The following DOCK8 variants were observed in gnomAD, a reference collection of about 807,000 sequenced individuals.
DOCK8 encodes dedicator of cytokinesis protein 8.
Under a neutral mutation model 245.6 loss-of-function variants are expected in DOCK8, and 141 were observed. The ratio of observed to expected loss-of-function variants is 0.57; its 90% CI spans 0.50 to 0.66. The LOEUF (loss-of-function observed/expected upper bound fraction) is 0.66, where lower values mean the gene tolerates loss of function less well. DOCK8 is among the 30% of genes least tolerant of loss of function. The pLI, the probability that DOCK8 is intolerant of heterozygous loss-of-function variation, is 0.00. For synonymous variants in DOCK8, 1,168 were observed against 970.2 expected (o/e 1.20, Z -3.79); for missense variants, 2,965 against 2,603.4 (o/e 1.14, Z -3.02).
At chr9:222,931 A>G (rs573780458) in intron 1 of DOCK8, among the ~76,000 whole-genome samples, 7 of 152,214 alleles carry the variant, frequency 4.6e-5, no homozygotes, top group Non-Finnish European at 8.8e-5. Flanking sequence ...AGCAAATGGA[A>G]AATCAGAATC....
At chr9:392,081 T>A (rs1241533262) in intron 24 of DOCK8, among the ~76,000 whole-genome samples, 1 of 148,128 alleles carries the variant, frequency 6.8e-6, no homozygotes, top group Admixed American at 6.8e-5. Context: ...GAGGCAGCAG[T>A]GAGCTGAGAT....
intron 26 of DOCK8, among the ~76,000 whole-genome samples, chr9:400,346 C>T (rs377669039): frequency 6.5e-4 from 51 of 78,320 alleles, no homozygotes; most frequent in Admixed American, 8.3e-4. Flanking sequence ...TCCTCCACCA[C>T]CACCACCTCC....
chr9:340,313 T>A lies in DOCK8; in HGVS notation c.1671T>A (p.Thr557=). 6.2e-7 allele frequency: 1 copy of A among 1,614,078 alleles called. No homozygotes were observed. The highest frequency in any genetic ancestry group is 1.3e-5 in the African/African-American group (1 of 75,026). The change falls in exon 14 of 48, where the codon ACT becomes ACA. Residue 557 remains threonine (T), a synonymous_variant. Transcript: ENST00000432829. ...FPTREVYVPH[T]VYRNLLYVYP... ...CACGAGAAGTATATGTCCCTCACACTGTGTACAGGTAAGAAACACAGGCTC... is the reference window on the plus strand; with the variant it reads ...CACGAGAAGTATATGTCCCTCACACAGTGTACAGGTAAGAAACACAGGCTC...
chr9:409,553 A>G (rs988438561), intron 28 of DOCK8, among the ~76,000 whole-genome samples: 4 of 152,154 alleles, frequency 2.6e-5, no homozygotes, highest in East Asian at 1.9e-4. Flanking sequence ...AAATGTATAT[A>G]TATGTATATA....
intron 22 of DOCK8, among the ~76,000 whole-genome samples, chr9:385,709 A>G (rs540892618): frequency 6.6e-6 from 1 of 152,318 alleles, no homozygotes; most frequent in African/African-American, 2.4e-5. Flanking sequence ...TGCCAGCACA[A>G]CACAACTCAG....
chr9:293,218 T>C (rs2049120081), intron 4 of DOCK8, among the ~76,000 whole-genome samples: 1 of 152,178 alleles, frequency 6.6e-6, no homozygotes, highest in Non-Finnish European at 1.5e-5. Context: ...TCCCTCTGCC[T>C]CATTCTCTTG....
At chr9:420,069 T>G (rs889258496) in intron 30 of DOCK8, 3 of 382,180 alleles carry the variant, frequency 7.8e-6, no homozygotes, top group African/African-American at 6.2e-5. Flanking sequence ...TTTGTATCAC[T>G]GGGATTGCAG....
chr9:246,219 GA>G (rs1034333009), intron 1 of DOCK8, among the ~76,000 whole-genome samples: 7 of 147,046 alleles, frequency 4.8e-5, no homozygotes, highest in South Asian at 2.2e-4. Context: ...ACCCATCTCA[GA>G]AAAAAAAAAT....
At chr9:373,274 C>T (rs931318028) in intron 18 of DOCK8, among the ~76,000 whole-genome samples, 1 of 152,220 alleles carries the variant, frequency 6.6e-6, no homozygotes, top group Admixed American at 6.5e-5. Context: ...CATAGGTTTA[C>T]ATCAATAAGT....
intron 14 of DOCK8, among the ~76,000 whole-genome samples, chr9:359,792 C>T (rs2052629696): frequency 3.2e-5 from 4 of 123,714 alleles, no homozygotes; most frequent in East Asian, 2.2e-4. Context: ...AATTTTTTGG[C>T]TCTGTCTTTG....
At chr9:413,733 A>G (rs971159537) in intron 28 of DOCK8, among the ~76,000 whole-genome samples, 1 of 152,234 alleles carries the variant, frequency 6.6e-6, no homozygotes, top group Non-Finnish European at 1.5e-5. Flanking sequence ...TGGATATAAT[A>G]AAAAAGACAG....
chr9:277,131 G>C (rs1445018725), intron 2 of DOCK8: 1 of 175,032 alleles, frequency 5.7e-6, no homozygotes, highest in Non-Finnish European at 1.3e-5. Flanking sequence ...GTTCAAAGTA[G>C]AAGCCAGGCA....
At chr9:335,106 C>A (rs1273951240) in intron 11 of DOCK8, among the ~76,000 whole-genome samples, 1 of 152,014 alleles carries the variant, frequency 6.6e-6, no homozygotes. Flanking sequence ...AAGAGAAAAA[C>A]TCAAGTTTCC....
chr9:350,004 C>A (rs1185173397), intron 14 of DOCK8, among the ~76,000 whole-genome samples: 2 of 152,182 alleles, frequency 1.3e-5, no homozygotes, highest in Non-Finnish European at 2.9e-5. Flanking sequence ...CCCTAACTCC[C>A]ATTGTTGAAA....
At chr9:441,463 C>A in intron 41 of DOCK8, 46 bp downstream of exon 41, 1 of 1,613,138 alleles carries the variant, frequency 6.2e-7, no homozygotes, top group Non-Finnish European at 8.5e-7. Context: ...TGGTGGCAGG[C>A]GACCCTGTCC....
chr9:226,638 A>AATCAAGAT (rs2046995347), intron 1 of DOCK8, among the ~76,000 whole-genome samples: 1 of 152,128 alleles, frequency 6.6e-6, no homozygotes, highest in Admixed American at 6.6e-5. Context: ...AAAAAAGAGA[A>AATCAAGAT]ATCAAGATGT....
intron 7 of DOCK8, among the ~76,000 whole-genome samples, chr9:319,217 A>G (rs1418928675): frequency 6.6e-6 from 1 of 152,200 alleles, no homozygotes; most frequent in African/African-American, 2.4e-5. Flanking sequence ...CAGGAGTTCA[A>G]GGCTGCAGTG....
At chr9:291,244 A>G (rs2049024766) in intron 4 of DOCK8, among the ~76,000 whole-genome samples, 1 of 152,292 alleles carries the variant, frequency 6.6e-6, no homozygotes, top group East Asian at 1.9e-4. Flanking sequence ...TCTCATGGCA[A>G]TGCACGCTTC....
upstream of DOCK8, chr9:214,684 G>A: frequency 1.3e-6 from 2 of 1,581,552 alleles, no homozygotes; most frequent in Non-Finnish European, 1.7e-6. Context: ...CCCGGGCAGA[G>A]CGCGCCGTCT....
Sources: allele counts gnomAD v4.1 joint callset (sites outside exome capture counted in the v4.1 genomes callset), GRCh38; gene constraint gnomAD v4.1.1; transcripts MANE v1.5; gene names NCBI Gene and HGNC (gene_info 2026-07-23, HGNC 2026-07-21).